The following DCC variants were observed in gnomAD, a reference collection of about 807,000 sequenced individuals.
DCC encodes the protein DCC netrin 1 receptor.
A neutral mutation model predicts 172.5 loss-of-function variants in DCC; 58 were observed. That is an observed-to-expected ratio of 0.34 (90% CI 0.27 to 0.42). The LOEUF is 0.42. DCC is among the 10% of genes least tolerant of loss of function. The probability of loss-of-function intolerance (pLI) is 1.00; values close to 1 mark genes in which losing one functional copy is unlikely to be tolerated. For missense variants in DCC, 1,740 were observed against 1,791.0 expected (o/e 0.97, Z 0.51); for synonymous variants, 709 against 644.5 (o/e 1.10, Z -1.52).
rs1328460514 is a variant in DCC at position 53,527,113 on chromosome 18, G to A, written c.4254+354G>A. ...TACGTGTGTGTGTGTGTGTGTGTGT[G>A]TGTGTGTGTGTGTGTGTGTGTGTTT... On this transcript the variant is annotated intron_variant, in intron 28 of 28. Transcript: ENST00000442544. Among the ~76,000 whole-genome samples, 5 of 151,254 alleles carry A rather than the reference G, an allele frequency of 3.3e-5. No individual in the cohort carries two copies. In the South Asian group the frequency reaches 6.3e-4, roughly 19 times the overall value.
chr18:52,929,903 A>G (rs1598941879), intron 5 of DCC, among the ~76,000 whole-genome samples: 2 of 151,356 alleles, frequency 1.3e-5, no homozygotes, highest in East Asian at 2.0e-4. Context: ...TGTATGCTAT[A>G]TTGTATCCTC....
chr18:52,996,372 G>T (rs36102648), intron 5 of DCC, among the ~76,000 whole-genome samples: 6 of 151,768 alleles, frequency 4.0e-5, no homozygotes, highest in Non-Finnish European at 8.8e-5. Context: ...CTTCTATTTT[G>T]GTTTAGGGGA....
chr18:53,110,847 C>T (rs1236100909), intron 7 of DCC, among the ~76,000 whole-genome samples: 49 of 123,822 alleles, frequency 4.0e-4, no homozygotes, highest in Non-Finnish European at 7.0e-4. Context: ...GTGGCGATTC[C>T]TCAGGGATCT....
chr18:52,647,972 T>C (rs957487231), intron 1 of DCC, among the ~76,000 whole-genome samples: 1 of 152,202 alleles, frequency 6.6e-6, no homozygotes, highest in African/African-American at 2.4e-5. Flanking sequence ...TTGATTTTGA[T>C]GCAAAAGATT....
rs2031851482 is a variant in DCC at position 52,522,492 on chromosome 18, G to C, written c.91+181614G>C. Among the ~76,000 whole-genome samples, 4 of 152,238 alleles carry C rather than the reference G, an allele frequency of 2.6e-5. No homozygotes were observed. In the South Asian group the frequency reaches 8.3e-4, roughly 32 times the overall value. ...CCTTTTTTCTTTCTCTAATTTCAGA[G>C]TGCCAGATAAAATATAGGATACCCA... is the stretch of plus-strand genomic sequence containing the variant. On this transcript the variant is annotated intron_variant, in intron 1 of 28. Coordinates refer to ENST00000442544, the MANE Select transcript of DCC (RefSeq NM_005215.4).
chr18:52,856,374 T>G (rs868249289), intron 2 of DCC, among the ~76,000 whole-genome samples: 1 of 151,238 alleles, frequency 6.6e-6, no homozygotes, highest in Non-Finnish European at 1.5e-5. Context: ...GCCTGTAATC[T>G]CAGCACTTTG....
intron 2 of DCC, among the ~76,000 whole-genome samples, chr18:52,850,625 T>C (rs1467234864): frequency 6.6e-6 from 1 of 152,102 alleles, no homozygotes; most frequent in Non-Finnish European, 1.5e-5. Flanking sequence ...ACAGTTTTTT[T>C]CCCCACTTAT....
intron 7 of DCC, among the ~76,000 whole-genome samples, chr18:53,075,489 C>A (rs748999227): frequency 4.0e-5 from 6 of 150,502 alleles, no homozygotes; most frequent in Non-Finnish European, 8.8e-5. Flanking sequence ...TTGATAGATT[C>A]ATAAATATTG....
intron 27 of DCC, among the ~76,000 whole-genome samples, chr18:53,520,261 G>A (rs995168061): frequency 3.3e-5 from 5 of 152,084 alleles, no homozygotes; most frequent in Admixed American, 6.6e-5. Context: ...ATGAGAGGCC[G>A]CAATATGGTG....
chr18:53,382,069 A>AAC (rs61553123), intron 15 of DCC, among the ~76,000 whole-genome samples: 7,522 of 122,832 alleles, frequency 0.061, 204 homozygotes, highest in African/African-American at 0.081. Flanking sequence ...GATTAAAAAC[A>AAC]ACACACACAC....
intron 5 of DCC, among the ~76,000 whole-genome samples, chr18:52,966,939 C>T (rs984655605): frequency 6.6e-6 from 1 of 152,206 alleles, no homozygotes; most frequent in South Asian, 2.1e-4. Context: ...AGAGGAAACT[C>T]AACAGCGATT....
chr18:52,837,896 C>A (rs954353965), intron 2 of DCC, among the ~76,000 whole-genome samples: 12 of 152,146 alleles, frequency 7.9e-5, no homozygotes, highest in African/African-American at 2.4e-4. Context: ...GGGAAACTTA[C>A]AATCATGGCA....
chr18:52,463,751 A>C (rs1367648722), intron 1 of DCC, among the ~76,000 whole-genome samples: 1 of 152,178 alleles, frequency 6.6e-6, no homozygotes, highest in Admixed American at 6.5e-5. Flanking sequence ...ATATAACAAA[A>C]ACAGAGGAAG....
intron 2 of DCC, among the ~76,000 whole-genome samples, chr18:52,859,667 T>C (rs2039108315): frequency 6.6e-6 from 1 of 152,206 alleles, no homozygotes; most frequent in South Asian, 2.1e-4. Flanking sequence ...AAAGCCTGGC[T>C]CCATCAATGC....
intron 2 of DCC, among the ~76,000 whole-genome samples, chr18:52,785,568 A>G (rs2037641193): frequency 6.6e-6 from 1 of 151,996 alleles, no homozygotes; most frequent in African/African-American, 2.4e-5. Flanking sequence ...TCCTGGGGTC[A>G]ATCTAAGGGT....
intron 13 of DCC, among the ~76,000 whole-genome samples, chr18:53,308,220 G>A (rs1362843163): frequency 1.3e-5 from 2 of 151,422 alleles, no homozygotes; most frequent in Admixed American, 6.6e-5. Context: ...TAATTTAAAT[G>A]AAATAGTGTA....
intron 5 of DCC, among the ~76,000 whole-genome samples, chr18:52,986,343 A>T (rs2041292565): frequency 6.6e-6 from 1 of 152,174 alleles, no homozygotes; most frequent in South Asian, 2.1e-4. Context: ...GGGACCAGAC[A>T]GTAGTGGGCA....
At chr18:53,340,632 A>G (rs1184578170) in intron 15 of DCC, among the ~76,000 whole-genome samples, 1 of 152,188 alleles carries the variant, frequency 6.6e-6, no homozygotes, top group Admixed American at 6.6e-5. Context: ...AAAAGTGTTC[A>G]TATTCATTTT....
At chr18:53,501,318 C>T (rs1234627136) in intron 27 of DCC, among the ~76,000 whole-genome samples, 3 of 152,146 alleles carry the variant, frequency 2.0e-5, no homozygotes, top group African/African-American at 7.2e-5. Context: ...ATTTAAGTAG[C>T]TTAAGTCTAC....
Sources: allele counts gnomAD v4.1 joint callset (sites outside exome capture counted in the v4.1 genomes callset), GRCh38; gene constraint gnomAD v4.1.1; transcripts MANE v1.5; gene names NCBI Gene and HGNC (gene_info 2026-07-23, HGNC 2026-07-21).